The following NCAPD3 variants were observed in gnomAD, a reference collection of about 807,000 sequenced individuals.
NCAPD3 encodes condensin-2 complex subunit D3.
A neutral mutation model predicts 182.9 loss-of-function variants in NCAPD3; 105 were observed. The observed-to-expected ratio is 0.57, with a 90% CI of 0.49 to 0.68. The LOEUF is 0.68. NCAPD3 is among the 30% of genes least tolerant of loss of function. The probability of loss-of-function intolerance (pLI) is 0.00; values close to 1 mark genes in which losing one functional copy is unlikely to be tolerated. For synonymous variants in NCAPD3, 815 were observed against 679.9 expected, an observed-to-expected ratio of 1.20 and a Z score of -3.09; for missense variants, 1,944 against 1,837.0, an observed-to-expected ratio of 1.06 and a Z score of -1.07.
chr11:134,187,867 G>A (rs1944442558), intron 16 of NCAPD3, among the ~76,000 whole-genome samples: 1 of 152,154 alleles, frequency 6.6e-6, no homozygotes, highest in Admixed American at 6.5e-5. Context: ...GGAAAATGAA[G>A]TCCTCAAAAT....
chr11:134,196,748 C>T (rs910163315), intron 13 of NCAPD3, among the ~76,000 whole-genome samples: 1 of 151,856 alleles, frequency 6.6e-6, no homozygotes, highest in Non-Finnish European at 1.5e-5. Flanking sequence ...TCCTAAGGAC[C>T]AGACACTTAG....
chr11:134,202,925 G>A lies in NCAPD3; in HGVS notation c.1526-20C>T, dbSNP rs1944780024. ...AAAAAGCTTTAAAAAAAAAATTACA[G>A]TCATTAAGCTAAAAATGTGTTATAC... On this transcript the variant is annotated intron_variant, in intron 12 of 34. Transcript: ENST00000534548. 2 of 1,549,698 alleles carry A rather than the reference G, an allele frequency of 1.3e-6. No individual in the cohort carries two copies. Among genetic ancestry groups the A allele is most frequent in the Non-Finnish European group, 1.8e-6 (2 of 1,135,460 alleles).
Position 134,160,081 on chromosome 11 carries a change from C to T in NCAPD3, c.3685-7G>A. On this transcript the variant is annotated splice_region_variant and splice_polypyrimidine_tract_variant and intron_variant, in intron 28 of 34. Coordinates refer to ENST00000534548, the MANE Select transcript of NCAPD3 (RefSeq NM_015261.3). The stretch of plus-strand genomic sequence containing the variant: ...GGTAATCCTGCATCACCTCCTGAAA[C>T]AGAGCCAGGAGCATCCTTTCATGTT... 6.2e-7 allele frequency: 1 copy of T among 1,613,372 alleles called. No individual in the cohort carries two copies.
intron 24 of NCAPD3, among the ~76,000 whole-genome samples, chr11:134,172,093 T>A (rs1422962927): frequency 2.0e-5 from 3 of 152,026 alleles, no homozygotes; most frequent in Admixed American, 2.0e-4. Context: ...TGGAAGTGGG[T>A]CCAGTGAAGT....
At chr11:134,163,634 G>C (rs1318731665) in intron 27 of NCAPD3, among the ~76,000 whole-genome samples, 1 of 148,830 alleles carries the variant, frequency 6.7e-6, no homozygotes, top group Non-Finnish European at 1.5e-5. Flanking sequence ...CAGGGGGGCA[G>C]AGCTTGCACT....
At chr11:134,183,499 C>T (rs1443861303) in intron 19 of NCAPD3, among the ~76,000 whole-genome samples, 1 of 152,054 alleles carries the variant, frequency 6.6e-6, no homozygotes, top group Non-Finnish European at 1.5e-5. Context: ...ACCTGGGAGG[C>T]GGAGGTTACA....
chr11:134,200,009 TGAAA>T (rs1944717652), intron 13 of NCAPD3, among the ~76,000 whole-genome samples: 2 of 152,144 alleles, frequency 1.3e-5, no homozygotes, highest in African/African-American at 4.8e-5. Flanking sequence ...AGGAACAGGC[TGAAA>T]GAAACAGTGC....
At chr11:134,158,212 G>T in intron 30 of NCAPD3, 117 bp downstream of exon 30, 2 of 1,527,256 alleles carry the variant, frequency 1.3e-6, no homozygotes, top group South Asian at 1.2e-5. Flanking sequence ...TGTGGAGCGG[G>T]GTGGCAGGCC....
intron 2 of NCAPD3, among the ~76,000 whole-genome samples, chr11:134,219,306 C>G (rs1591867892): frequency 6.6e-6 from 1 of 152,188 alleles, no homozygotes; most frequent in Non-Finnish European, 1.5e-5. Flanking sequence ...TCTCTTGGAG[C>G]ATTTTTCACA....
intron 16 of NCAPD3, among the ~76,000 whole-genome samples, chr11:134,188,818 C>T (rs1565542116): frequency 6.6e-6 from 1 of 152,154 alleles, no homozygotes; most frequent in South Asian, 2.1e-4. Flanking sequence ...AAGAACCCAC[C>T]AGAAGGAATA....
chr11:134,185,149 T>C, intron 17 of NCAPD3, 149 bp from the exon 18 acceptor site: 2 of 879,868 alleles, frequency 2.3e-6, no homozygotes, highest in Non-Finnish European at 3.6e-6. Flanking sequence ...AGGCATTTAA[T>C]GTACTTGGAC....
At chr11:134,170,828 G>A (rs1345142765) in intron 24 of NCAPD3, among the ~76,000 whole-genome samples, 1 of 152,226 alleles carries the variant, frequency 6.6e-6, no homozygotes, top group Non-Finnish European at 1.5e-5. Context: ...TTTCTAGCAA[G>A]AGAAACTGGA....
intron 13 of NCAPD3, among the ~76,000 whole-genome samples, chr11:134,197,229 G>A (rs1944650242): frequency 6.7e-6 from 1 of 149,422 alleles, no homozygotes; most frequent in South Asian, 2.1e-4. Context: ...GCAGAACCAT[G>A]AACCAATTAA....
chr11:134,203,336 T>C (rs1372990449), intron 11 of NCAPD3, 138 bp from the exon 12 acceptor site: 3 of 720,228 alleles, frequency 4.2e-6, no homozygotes, highest in East Asian at 2.7e-5. Flanking sequence ...CTGATAACGT[T>C]CTCCTTGGGT....
intron 16 of NCAPD3, among the ~76,000 whole-genome samples, chr11:134,191,822 T>C (rs1944530715): frequency 6.6e-6 from 1 of 152,196 alleles, no homozygotes; most frequent in African/African-American, 2.4e-5. Flanking sequence ...ATGAGATATC[T>C]TGGGGATGGA....
At chr11:134,197,063 T>G (rs901756694) in intron 13 of NCAPD3, among the ~76,000 whole-genome samples, 1 of 152,066 alleles carries the variant, frequency 6.6e-6, no homozygotes, top group African/African-American at 2.4e-5. Flanking sequence ...TCTTGTGAGA[T>G]CTGGTCATTT....
At chr11:134,156,961 C>T in intron 32 of NCAPD3, 57 bp downstream of exon 32, 1 of 1,445,754 alleles carries the variant, frequency 6.9e-7, no homozygotes, top group Non-Finnish European at 9.7e-7. Context: ...CTAGCAAACA[C>T]ATCACGAATG....
chr11:134,160,329 G>A (rs1943543206), intron 28 of NCAPD3, among the ~76,000 whole-genome samples: 1 of 152,142 alleles, frequency 6.6e-6, no homozygotes, highest in African/African-American at 2.4e-5. Context: ...TGGTATATTT[G>A]GAGCAAACAC....
At chr11:134,221,404 T>C (rs866651899) in intron 1 of NCAPD3, among the ~76,000 whole-genome samples, 5 of 152,268 alleles carry the variant, frequency 3.3e-5, no homozygotes, top group Middle Eastern at 3.4e-3. Context: ...CTTAAAGTTT[T>C]TGGGTACATG....
Sources: allele counts gnomAD v4.1 joint callset (sites outside exome capture counted in the v4.1 genomes callset), GRCh38; gene constraint gnomAD v4.1.1; transcripts MANE v1.5; gene names NCBI Gene and HGNC (gene_info 2026-07-23, HGNC 2026-07-21).